KIF13B: variants seen among roughly 807,000 people sequenced by gnomAD.
The protein encoded by KIF13B is kinesin family member 13B, also known as kinesin-like protein KIF13B.
In KIF13B, 127 loss-of-function variants were observed where a neutral mutation model predicts 222.0. The ratio of observed to expected loss-of-function variants is 0.57; its 90% CI spans 0.50 to 0.66. KIF13B has a LOEUF of 0.66. Among genes scored for constraint, KIF13B ranks in the 30% least tolerant of loss-of-function variants. The probability of loss-of-function intolerance (pLI) is 0.00; values close to 1 mark genes in which losing one functional copy is unlikely to be tolerated. For synonymous variants in KIF13B, 976 were observed against 919.0 expected (o/e 1.06, Z -1.12); for missense variants, 2,173 against 2,379.0 (o/e 0.91, Z 1.80).
chr8:29,225,948 G>A (rs1269875015), intron 2 of KIF13B, among the ~76,000 whole-genome samples: 4 of 152,216 alleles, frequency 2.6e-5, no homozygotes, highest in African/African-American at 9.7e-5. Context: ...TGAAGTGAGA[G>A]GGAACGTTTA....
intron 37 of KIF13B, among the ~76,000 whole-genome samples, chr8:29,083,492 C>A (rs1807904745): frequency 6.6e-6 from 1 of 152,144 alleles, no homozygotes; most frequent in African/African-American, 2.4e-5. Context: ...CTCAGAAATC[C>A]TCTTACTTGC....
At chr8:29,076,173 A>C (rs1807549618) in intron 37 of KIF13B, among the ~76,000 whole-genome samples, 1 of 152,202 alleles carries the variant, frequency 6.6e-6, no homozygotes, top group Non-Finnish European at 1.5e-5. Flanking sequence ...TGGGACACAG[A>C]AGCAGCCGAG....
intron 2 of KIF13B, among the ~76,000 whole-genome samples, chr8:29,241,657 C>G (rs927564526): frequency 6.9e-6 from 1 of 144,782 alleles, no homozygotes; most frequent in African/African-American, 2.6e-5. Context: ...GACATCACAG[C>G]GAAGCAGTCT....
At position 29,155,858 on chromosome 8, in the gene KIF13B, TAAGAAA is replaced by T; in HGVS notation, c.1405-8_1405-3del. 6.4e-7 allele frequency: 1 copy of T among 1,567,158 alleles called. No homozygotes were observed. ...TGCTGACCCTATCAATGTATGTTCC[TAAGAAA>T]AAACCAAATTCACTGATTAATACTG... is the stretch of plus-strand genomic sequence containing the variant. On this transcript the variant is annotated splice_polypyrimidine_tract_variant and splice_region_variant and intron_variant, in intron 13 of 39. Transcript: ENST00000524189.
intron 1 of KIF13B, among the ~76,000 whole-genome samples, chr8:29,255,589 C>A (rs1297648529): frequency 6.6e-6 from 1 of 151,848 alleles, no homozygotes; most frequent in East Asian, 1.9e-4. Context: ...AAAAAAGGTA[C>A]CTACCCCTCC....
At chr8:29,140,763 G>C (rs377158116) in intron 19 of KIF13B, 146 bp from the exon 20 acceptor site, 3 of 758,746 alleles carry the variant, frequency 4.0e-6, no homozygotes, top group East Asian at 2.7e-5. Flanking sequence ...ACATTCTAAA[G>C]TTTTTGCTAA....
intron 3 of KIF13B, 140 bp downstream of exon 3, chr8:29,196,047 T>C: frequency 1.3e-6 from 1 of 767,736 alleles, no homozygotes. Context: ...TGGCTTCAGA[T>C]TTGTGAGTAG....
chr8:29,239,292 A>ATAGC (rs1396617837), intron 2 of KIF13B, among the ~76,000 whole-genome samples: 1 of 152,230 alleles, frequency 6.6e-6, no homozygotes, highest in African/African-American at 2.4e-5. Context: ...CTGAGGAGGT[A>ATAGC]TAGCTCCCTG....
rs538160859 is a variant in KIF13B, at chr8:29,167,454, C to A, written c.1077G>T (p.Val359=). The A allele has an allele frequency of 1.2e-6, 2 of 1,613,964 alleles. No individual in the cohort carries two copies. Among genetic ancestry groups the A allele is most frequent in the South Asian group, 2.2e-5 (2 of 91,076 alleles). ...TAATTCGGGCATTAGGGTCCTCATTCACCACAGCGTGGTTTACAATGTGCT... is the reference window on the plus strand; with the variant it reads ...TAATTCGGGCATTAGGGTCCTCATTAACCACAGCGTGGTTTACAATGTGCT... ...RAKHIVNHAV[V]NEDPNARIIR... The change falls in exon 11 of 40, where the codon GTG becomes GTT. Residue 359 remains valine (V), a synonymous_variant. Transcript: ENST00000524189.
intron 2 of KIF13B, among the ~76,000 whole-genome samples, chr8:29,208,079 C>G (rs1814035402): frequency 6.6e-6 from 1 of 152,158 alleles, no homozygotes; most frequent in Non-Finnish European, 1.5e-5. Context: ...TGCAGTTCAT[C>G]ATGAAAAGGA....
At chr8:29,082,011 G>T (rs1481185308) in intron 37 of KIF13B, among the ~76,000 whole-genome samples, 2 of 152,176 alleles carry the variant, frequency 1.3e-5, no homozygotes, top group African/African-American at 4.8e-5. Context: ...ATTCCAAGAT[G>T]AATTCCACTT....
intron 2 of KIF13B, among the ~76,000 whole-genome samples, chr8:29,236,123 G>GAAA (rs1815495785): frequency 6.6e-6 from 1 of 151,810 alleles, no homozygotes; most frequent in South Asian, 2.1e-4. Flanking sequence ...AAACTTCGGG[G>GAAA]AAAAAAAGAC....
chr8:29,124,506 G>A (rs969015624), intron 26 of KIF13B, among the ~76,000 whole-genome samples: 3 of 152,160 alleles, frequency 2.0e-5, no homozygotes, highest in African/African-American at 7.2e-5. Flanking sequence ...CCAGCACTTT[G>A]GGAGGCTGAG....
intron 12 of KIF13B, among the ~76,000 whole-genome samples, chr8:29,162,454 A>C (rs1053570829): frequency 2.6e-5 from 4 of 152,188 alleles, no homozygotes; most frequent in Non-Finnish European, 4.4e-5. Flanking sequence ...TTCTTTCAGA[A>C]GTTTTGAGTC....
intron 18 of KIF13B, 32 bp from the exon 19 acceptor site, chr8:29,142,335 C>T (rs1309347504): frequency 6.3e-7 from 1 of 1,589,928 alleles, no homozygotes; most frequent in South Asian, 1.1e-5. Context: ...CCGTGAGAAA[C>T]ACACAGGCAG....
intron 10 of KIF13B, among the ~76,000 whole-genome samples, chr8:29,174,266 CTA>C (rs1433869503): frequency 1.3e-5 from 2 of 152,058 alleles, no homozygotes; most frequent in African/African-American, 4.8e-5. Flanking sequence ...CCTATTTACT[CTA>C]TGATTTTAAT....
chr8:29,247,565 A>G (rs1816084257), intron 1 of KIF13B, among the ~76,000 whole-genome samples: 1 of 152,198 alleles, frequency 6.6e-6, no homozygotes, highest in African/African-American at 2.4e-5. Context: ...GCAATGGCTC[A>G]CGCCTGTAAT....
chr8:29,076,006 G>C (rs1008000701), intron 37 of KIF13B, among the ~76,000 whole-genome samples: 3 of 152,220 alleles, frequency 2.0e-5, no homozygotes, highest in African/African-American at 7.2e-5. Flanking sequence ...CAGAGCAGGG[G>C]GAGGAGGTAA....
chr8:29,171,759 C>CT (rs869072795), intron 10 of KIF13B, among the ~76,000 whole-genome samples: 9,556 of 128,328 alleles, frequency 0.074, 820 homozygotes, highest in African/African-American at 0.19. Flanking sequence ...TTTTTTTCTT[C>CT]TTTTTTTTTT....
Sources: gnomAD v4.1 joint callset for allele counts (sites outside exome capture counted in the v4.1 genomes callset) on GRCh38, gnomAD v4.1.1 for gene constraint, MANE v1.5 for transcripts, NCBI Gene and HGNC (gene_info 2026-07-23, HGNC 2026-07-21) for gene names.